The following LOC400499 variants were observed in gnomAD, a reference collection of about 807,000 sequenced individuals.
At chr16:11,484,101 G>C in the LOC400499 span, among the ~76,000 whole-genome samples, 3 of 137,460 alleles carry the variant, frequency 2.2e-5, no homozygotes, top group East Asian at 7.2e-4. Context: ...TCCGCCTCCC[G>C]AGTTCACACC....
the LOC400499 span, chr16:11,457,054 C>A: frequency 8.6e-6 from 13 of 1,503,216 alleles, no homozygotes; most frequent in Middle Eastern, 1.7e-4. Context: ...AGAATGCCCA[C>A]CCCCCCAAGA....
chr16:11,440,506 T>C, the LOC400499 span, among the ~76,000 whole-genome samples: 1 of 152,186 alleles, frequency 6.6e-6, no homozygotes, highest in South Asian at 2.1e-4. Context: ...GAACTGCACA[T>C]GAACACTGGC....
chr16:11,514,803 A>G, the LOC400499 span, among the ~76,000 whole-genome samples: 10 of 152,230 alleles, frequency 6.6e-5, no homozygotes, highest in African/African-American at 2.4e-4. Flanking sequence ...TCTAGCAGAC[A>G]GTGACCCCCC....
chr16:11,402,328 C>T, the LOC400499 span: 15 of 395,458 alleles, frequency 3.8e-5, no homozygotes, highest in African/African-American at 1.6e-4. Context: ...GCTACACACT[C>T]GCTTTGTCAC....
chr16:11,511,733 A>G, the LOC400499 span, among the ~76,000 whole-genome samples: 1 of 152,234 alleles, frequency 6.6e-6, no homozygotes, highest in Admixed American at 6.5e-5. Flanking sequence ...ACAATGTTCT[A>G]TAGTTGACTA....
chr16:11,430,727 T>C, the LOC400499 span, among the ~76,000 whole-genome samples: 2 of 152,176 alleles, frequency 1.3e-5, no homozygotes, highest in Non-Finnish European at 2.9e-5. Flanking sequence ...TTCCAAAATA[T>C]ATGCCTGGGA....
At chr16:11,485,595 A>T in the LOC400499 span, among the ~76,000 whole-genome samples, 3 of 151,874 alleles carry the variant, frequency 2.0e-5, 1 homozygote, top group African/African-American at 7.3e-5. Flanking sequence ...CTATCCTTTC[A>T]TCCTTCCCAC....
the LOC400499 span, chr16:11,501,034 C>CG: frequency 1.8e-5 from 7 of 398,182 alleles, no homozygotes; most frequent in East Asian, 2.5e-4. Context: ...CGAAGTCACC[C>CG]GGGGGTAAAC....
the LOC400499 span, among the ~76,000 whole-genome samples, chr16:11,515,685 A>AAG: frequency 7.6e-6 from 1 of 131,548 alleles, no homozygotes; most frequent in Non-Finnish European, 1.6e-5. Flanking sequence ...GAATTGGAGG[A>AAG]GAGGAAATGA....
chr16:11,460,137 G>A, the LOC400499 span: 8 of 1,185,874 alleles, frequency 6.7e-6, no homozygotes, highest in African/African-American at 6.2e-5. Flanking sequence ...CCCACTCCAG[G>A]GATATCAGCC....
chr16:11,515,721 G>A, the LOC400499 span, among the ~76,000 whole-genome samples: 1 of 149,410 alleles, frequency 6.7e-6, no homozygotes, highest in South Asian at 2.1e-4. Flanking sequence ...GGAGGAAGGA[G>A]GAGGAAAAGG....
the LOC400499 span, among the ~76,000 whole-genome samples, chr16:11,422,148 C>T: frequency 1.3e-5 from 2 of 152,198 alleles, no homozygotes; most frequent in Non-Finnish European, 2.9e-5. Flanking sequence ...TGCCTGTAAT[C>T]CCAGCACTTT....
the LOC400499 span, among the ~76,000 whole-genome samples, chr16:11,424,860 G>A: frequency 6.6e-6 from 1 of 152,248 alleles, no homozygotes; most frequent in East Asian, 1.9e-4. Flanking sequence ...ATTGGGGGTG[G>A]GAGGCCTGGA....
the LOC400499 span, among the ~76,000 whole-genome samples, chr16:11,432,735 C>G: frequency 6.6e-6 from 1 of 152,160 alleles, no homozygotes; most frequent in Non-Finnish European, 1.5e-5. Context: ...CCACCAGGAA[C>G]AAGATCAGCC....
At chr16:11,391,321 C>G in the LOC400499 span, among the ~76,000 whole-genome samples, 2 of 152,112 alleles carry the variant, frequency 1.3e-5, no homozygotes, top group Non-Finnish European at 2.9e-5. Flanking sequence ...TTGAGCTCAT[C>G]GTGGAACCAG....
chr16:11,438,212 TGGTTA>T, the LOC400499 span, among the ~76,000 whole-genome samples: 9 of 152,096 alleles, frequency 5.9e-5, no homozygotes, highest in African/African-American at 2.2e-4. Context: ...CTGGAACAAA[TGGTTA>T]ATATGATGAC....
At chr16:11,525,876 G>A in the LOC400499 span, among the ~76,000 whole-genome samples, 2 of 152,176 alleles carry the variant, frequency 1.3e-5, no homozygotes, top group African/African-American at 4.8e-5. Context: ...GATTAACCAA[G>A]GATGGGAAAA....
the LOC400499 span, chr16:11,392,053 T>G: frequency 7.5e-6 from 3 of 400,204 alleles, no homozygotes; most frequent in Non-Finnish European, 1.3e-5. Context: ...GCCTTGAACC[T>G]TCTCTTCCAG....
the LOC400499 span, chr16:11,387,148 G>C: frequency 1.6e-6 from 2 of 1,232,310 alleles, no homozygotes; most frequent in Non-Finnish European, 1.0e-6. Flanking sequence ...GTCTGAGCCA[G>C]TAGTACTCAG....
Sources: gnomAD v4.1 joint callset for allele counts (sites outside exome capture counted in the v4.1 genomes callset) on GRCh38, gnomAD v4.1.1 for gene constraint, MANE v1.5 for transcripts.